ZFR: variants seen among roughly 807,000 people sequenced by gnomAD.
ZFR encodes the protein zinc finger RNA-binding protein.
ZFR carries 19 observed loss-of-function variants against 130.7 expected under a neutral mutation model. The ratio of observed to expected loss-of-function variants is 0.15; its 90% CI spans 0.10 to 0.21. The LOEUF (loss-of-function observed/expected upper bound fraction) is 0.21. Ranked by LOEUF, ZFR falls within the 10% of genes least tolerant of loss-of-function variation. ZFR has a pLI of 1.00. For missense variants in ZFR, 872 were observed against 1,321.5 expected, an observed-to-expected ratio of 0.66 and a Z score of 5.27; for synonymous variants, 466 against 456.9, an observed-to-expected ratio of 1.02 and a Z score of -0.25.
intron 17 of ZFR, among the ~76,000 whole-genome samples, chr5:32,377,613 GA>G (rs1375412553): frequency 1.3e-5 from 2 of 151,958 alleles, no homozygotes; most frequent in Admixed American, 1.3e-4. Context: ...TGATGAATAA[GA>G]AACTGGCAGT....
chr5:32,394,036 A>G (rs79058677), intron 11 of ZFR, among the ~76,000 whole-genome samples: 2,548 of 152,336 alleles, frequency 0.017, 37 homozygotes, highest in Non-Finnish European at 0.026. Flanking sequence ...GTCCTCATGA[A>G]AAACAAAATA....
intron 12 of ZFR, 98 bp from the exon 13 acceptor site, chr5:32,388,772 A>G: frequency 1.8e-6 from 2 of 1,107,474 alleles, no homozygotes; most frequent in South Asian, 3.4e-5. Flanking sequence ...CTTTTCAATA[A>G]GAAAGCCTTT....
At chr5:32,357,720 T>C (rs1053418231) in intron 19 of ZFR, among the ~76,000 whole-genome samples, 30 of 152,260 alleles carry the variant, frequency 2.0e-4, no homozygotes, top group African/African-American at 6.5e-4. Flanking sequence ...GTAAAAATTA[T>C]ATTTTTCTTA....
chr5:32,434,415 T>C (rs901392276), intron 2 of ZFR, among the ~76,000 whole-genome samples: 5 of 152,238 alleles, frequency 3.3e-5, no homozygotes, highest in Admixed American at 3.3e-4. Context: ...TCTTCTCCTT[T>C]GCTGGTATGG....
intron 8 of ZFR, among the ~76,000 whole-genome samples, chr5:32,401,435 T>C (rs1017590593): frequency 5.3e-5 from 8 of 152,106 alleles, no homozygotes; most frequent in Non-Finnish European, 8.8e-5. Flanking sequence ...GTGTGACACT[T>C]GAACTGGGAT....
intron 11 of ZFR, among the ~76,000 whole-genome samples, chr5:32,394,930 A>G (rs949806882): frequency 5.3e-5 from 8 of 152,188 alleles, no homozygotes; most frequent in Non-Finnish European, 1.2e-4. Context: ...TAATTTATAA[A>G]AGATGCCACT....
In ZFR at chr5:32,411,554, T is replaced by C. The variant is rs1264671601; in HGVS notation, c.784+3415A>G. ...AAATACAAAAATGAGCCAGGTATGG[T>C]GGTACACGCCTGTAACCCCAGCTAC... On this transcript the variant is annotated intron_variant, in intron 5 of 19. Coordinates refer to ENST00000265069, the MANE Select transcript of ZFR (RefSeq NM_016107.5). Among the ~76,000 whole-genome samples, 3 of 151,450 alleles carry C rather than the reference T, an allele frequency of 2.0e-5. No homozygotes were observed. The East Asian group carries it at 5.8e-4, about 29-fold the overall frequency.
intron 5 of ZFR, among the ~76,000 whole-genome samples, chr5:32,411,858 T>C (rs1180174318): frequency 3.3e-5 from 5 of 152,034 alleles, no homozygotes; most frequent in Non-Finnish European, 7.4e-5. Flanking sequence ...AAGGCAAATA[T>C]TATGTCATTT....
At chr5:32,419,674 C>T in intron 3 of ZFR, 147 bp downstream of exon 3, 1 of 1,405,874 alleles carries the variant, frequency 7.1e-7, no homozygotes, top group South Asian at 1.8e-5. Context: ...TCCCAAACTA[C>T]CAAGGAATAC....
At position 32,419,887 on chromosome 5, in the gene ZFR, A is replaced by G. The variant is rs753461876; in HGVS notation, c.354T>C (p.Tyr118=). Residue 118 remains tyrosine (Y), a synonymous_variant, in exon 3 of 20, where the codon TAT becomes TAC. Coordinates refer to ENST00000265069, the MANE Select transcript of ZFR (RefSeq NM_016107.5). ...GYPTAHTATD[Y]GYTQRQQEAP... ...CTTCTTGTTGCCTCTGAGTATAACCATAGTCAGTTGCTGTGTGTGCAGTGG... is the reference window on the plus strand; with the variant it reads ...CTTCTTGTTGCCTCTGAGTATAACCGTAGTCAGTTGCTGTGTGTGCAGTGG... 14 of 1,613,776 alleles carry G rather than the reference A, an allele frequency of 8.7e-6. No individual in the cohort carries two copies. In the Admixed American group the frequency reaches 2.3e-4, roughly 27 times the overall value.
Position 32,390,389 on chromosome 5 carries a change from A to T in ZFR, c.2028T>A (p.His676Gln), listed in dbSNP as rs1561882380. 2 of 1,614,112 alleles carry T rather than the reference A, an allele frequency of 1.2e-6. No homozygotes were observed. Among genetic ancestry groups the T allele is most frequent in the South Asian group, 1.1e-5 (1 of 91,082 alleles). ...GCATTCGGCGGCGATCATCCCAATG[A>T]TGTTGTTCTTCCTCCATTCTCCTCC... ...MYWRRMEEEQ[H>Q]HWDDRRRMPD... is the part of the protein sequence containing the mutation. Residue 676 changes from histidine to glutamine, a missense_variant, in exon 12 of 20, where the codon CAT becomes CAA. This residue lies in a region of ZFR where 225 missense variants were observed against 282.4 expected (regional missense o/e 0.80). Transcript: ENST00000265069.
chr5:32,363,361 T>G (rs1476684141), intron 19 of ZFR, among the ~76,000 whole-genome samples: 1 of 152,210 alleles, frequency 6.6e-6, no homozygotes, highest in East Asian at 1.9e-4. Flanking sequence ...ATGATAATAC[T>G]AGCTAACATT....
chr5:32,432,409 T>C (rs920790104), intron 2 of ZFR, among the ~76,000 whole-genome samples: 4 of 152,186 alleles, frequency 2.6e-5, no homozygotes, highest in African/African-American at 7.2e-5. Flanking sequence ...TAGTCAGTGA[T>C]GTTGAGCGTC....
rs1430481464 is a variant in ZFR at position 32,406,960 on chromosome 5, CTGT to C, written c.843_845del (p.Gln287del). ...CTGCCTGCTTCTGTTGCTGCTGCTGCTGTTGATAGTAGGAAGATGCAGCTGAAT... is the reference window on the plus strand; with the variant it reads ...CTGCCTGCTTCTGTTGCTGCTGCTGCTGATAGTAGGAAGATGCAGCTGAAT... On this transcript the variant is annotated inframe_deletion, in exon 6 of 20. Coordinates refer to ENST00000265069, the MANE Select transcript of ZFR (RefSeq NM_016107.5). 3.1e-6 allele frequency: 5 copies of C among 1,592,776 alleles called. No individual in the cohort carries two copies. The highest frequency in any genetic ancestry group is 3.4e-6 in the Non-Finnish European group (4 of 1,174,372).
chr5:32,413,073 C>T (rs1009871850), intron 5 of ZFR, among the ~76,000 whole-genome samples: 5 of 152,000 alleles, frequency 3.3e-5, no homozygotes, highest in East Asian at 1.9e-4. Flanking sequence ...CTTGTAGTCC[C>T]GGCTACTTGG....
At chr5:32,410,003 A>G (rs574003267) in intron 5 of ZFR, among the ~76,000 whole-genome samples, 1 of 152,266 alleles carries the variant, frequency 6.6e-6, no homozygotes, top group East Asian at 1.9e-4. Context: ...ATCTGTGTCT[A>G]TAAATTAAGT....
chr5:32,408,714 T>C (rs1361544642), intron 5 of ZFR, among the ~76,000 whole-genome samples: 1 of 152,210 alleles, frequency 6.6e-6, no homozygotes, highest in African/African-American at 2.4e-5. Flanking sequence ...TATTAGTTTA[T>C]AGAAATTTTG....
intron 17 of ZFR, among the ~76,000 whole-genome samples, chr5:32,376,063 G>C (rs1047931566): frequency 2.7e-5 from 4 of 150,258 alleles, no homozygotes; most frequent in African/African-American, 9.8e-5. Flanking sequence ...GGCTGGTCTT[G>C]AACTCCTTGA....
At chr5:32,400,225 A>T (rs767955002) in intron 8 of ZFR, 22 bp from the exon 9 acceptor site, 4 of 1,520,828 alleles carry the variant, frequency 2.6e-6, no homozygotes, top group African/African-American at 1.4e-5. Flanking sequence ...TCAAAAAGTT[A>T]AAAAAAATTT....
Sources: allele counts gnomAD v4.1 joint callset (sites outside exome capture counted in the v4.1 genomes callset), GRCh38; gene constraint gnomAD v4.1.1; regional missense constraint gnomAD v4.1.1; transcripts MANE v1.5; gene names NCBI Gene and HGNC (gene_info 2026-07-23, HGNC 2026-07-21).